Variants in EPS8 observed in about 807,000 individuals in gnomAD.
EPS8 encodes the protein EGFR pathway substrate 8, signaling adaptor.
A neutral mutation model predicts 103.8 loss-of-function variants in EPS8; 42 were observed. The observed-to-expected ratio is 0.40, with a 90% confidence interval of 0.32 to 0.52. The LOEUF (loss-of-function observed/expected upper bound fraction) is 0.52. Among genes scored for constraint, EPS8 ranks in the 20% least tolerant of loss-of-function variants. The probability of loss-of-function intolerance (pLI) is 0.40; values close to 1 mark genes in which losing one functional copy is unlikely to be tolerated. For missense variants in EPS8, 969 were observed against 1,005.1 expected, an observed-to-expected ratio of 0.96 and a Z score of 0.49; for synonymous variants, 344 against 344.6, an observed-to-expected ratio of 1.00 and a Z score of 0.02.
intron 8 of EPS8, among the ~76,000 whole-genome samples, chr12:15,663,731 T>C (rs1945647739): frequency 6.6e-6 from 1 of 150,964 alleles, no homozygotes; most frequent in Non-Finnish European, 1.5e-5. Context: ...AAGACAATCC[T>C]GGCTAACACA....
At position 15,717,536 on chromosome 12, in the gene EPS8, G is replaced by A. The variant is rs542117169; in HGVS notation, c.-21-34564C>T. ...CCGGAGGCAGAGGTTGCAGTCAGCC[G>A]AGATCGTGCCATTGCACTCCAGCCT... is the stretch of plus-strand genomic sequence containing the variant. On this transcript the variant is annotated intron_variant, in intron 1 of 20. Coordinates refer to ENST00000281172, the MANE Select transcript of EPS8 (RefSeq NM_004447.6). The surrounding 1 kb of genome is among the most constrained non-coding windows in gnomAD (Gnocchi z 4.3). Among the ~76,000 whole-genome samples, 11 of 152,122 alleles carry A rather than the reference G, an allele frequency of 7.2e-5. No individual in the cohort carries two copies. The highest frequency in any genetic ancestry group is 2.4e-4 in the African/African-American group (10 of 41,476).
At chr12:15,788,749 CG>C (rs1430234286) in intron 1 of EPS8, among the ~76,000 whole-genome samples, 3 of 152,180 alleles carry the variant, frequency 2.0e-5, no homozygotes, top group African/African-American at 7.2e-5. Flanking sequence ...CCATTTGAGG[CG>C]GGTTGGCAGA....
intron 8 of EPS8, 124 bp from the exon 9 acceptor site, chr12:15,662,223 A>G: frequency 6.6e-7 from 1 of 1,526,570 alleles, no homozygotes; most frequent in Non-Finnish European, 8.8e-7. Flanking sequence ...TCCACTGGAT[A>G]CACAAGTCAA....
At position 15,684,361 on chromosome 12, in the gene EPS8, C is replaced by G. The variant is rs547294150; in HGVS notation, c.-21-1389G>C. The G allele has an allele frequency of 6.6e-6, 1 of 152,264 alleles. No individual in the cohort carries two copies. The highest frequency in any genetic ancestry group is 1.9e-4 in the East Asian group (1 of 5,176). The allele number at this position is 152,264 out of a possible 1,614,324, so 9.4% of individuals were successfully genotyped here. On this transcript the variant is annotated intron_variant, in intron 1 of 20. Transcript: ENST00000281172. The surrounding 1 kb of genome is among the most constrained non-coding windows in gnomAD (Gnocchi z 4.9). The stretch of plus-strand genomic sequence containing the variant: ...CCATACTATAGACAATTTTTCAAAG[C>G]ATTTATCACATTCATAACTTTTCCT...
chr12:15,645,688 G>A (rs1945308111), intron 15 of EPS8, among the ~76,000 whole-genome samples: 1 of 152,066 alleles, frequency 6.6e-6, no homozygotes, highest in African/African-American at 2.4e-5. Context: ...ATCCCTTATA[G>A]ATATGCAGGT....
At chr12:15,636,193 A>G (rs1945131083) in intron 17 of EPS8, among the ~76,000 whole-genome samples, 1 of 152,142 alleles carries the variant, frequency 6.6e-6, no homozygotes, top group Non-Finnish European at 1.5e-5. Context: ...GTGGGGAGAA[A>G]GAACCCTGGA....
chr12:15,718,349 A>C (rs904629077), intron 1 of EPS8, among the ~76,000 whole-genome samples: 31 of 152,232 alleles, frequency 2.0e-4, no homozygotes, highest in Non-Finnish European at 1.5e-5. Flanking sequence ...GAAATAACCA[A>C]ATAGTCACAA....
At chr12:15,628,227 A>C (rs1335270875) in intron 18 of EPS8, among the ~76,000 whole-genome samples, 1 of 152,182 alleles carries the variant, frequency 6.6e-6, no homozygotes, top group Non-Finnish European at 1.5e-5. Context: ...GTCAAACAGC[A>C]TATGAGTGCA....
At chr12:15,666,276 A>C (rs1051542772) in intron 7 of EPS8, among the ~76,000 whole-genome samples, 164 bp downstream of exon 7, 1 of 152,240 alleles carries the variant, frequency 6.6e-6, no homozygotes, top group African/African-American at 2.4e-5. Flanking sequence ...GAAGAGGAGT[A>C]AACACACTGA....
Position 15,670,885 on chromosome 12 carries a change from C to A in EPS8, c.175G>T (p.Val59Leu), listed in dbSNP as rs749427533. The A allele has an allele frequency of 6.2e-7, 1 of 1,612,422 alleles. No individual in the cohort carries two copies. Among genetic ancestry groups the A allele is most frequent in the Non-Finnish European group, 8.5e-7 (1 of 1,178,800 alleles). The change falls in exon 4 of 21, where the codon GTG becomes TTG. Residue 59 changes from valine (V) to leucine (L), a missense_variant. Val to Leu is a conservative substitution (Grantham distance 32). Coordinates refer to ENST00000281172, the MANE Select transcript of EPS8 (RefSeq NM_004447.6). ...KNYARDSVSSVSDISQYRVEH... is the reference protein window; with the variant it reads ...KNYARDSVSSLSDISQYRVEH... ...ACACGGTATTGAGATATATCTGACA[C>A]ACTGCTGACACTGTCCCGTGCATAA...
chr12:15,632,070 A>G (rs1945056574), intron 17 of EPS8, among the ~76,000 whole-genome samples: 1 of 152,174 alleles, frequency 6.6e-6, no homozygotes, highest in Admixed American at 6.5e-5. Flanking sequence ...TCACTTACTC[A>G]TTTTAAATGT....
Position 15,684,656 on chromosome 12 carries a change from T to C in EPS8, c.-21-1684A>G, listed in dbSNP as rs189522781. ...ATATGTAGCTCTATTTTAAATCTGC[T>C]AGAAGTTCGGAGAGGGAAAAGGCCA... On this transcript the variant is annotated intron_variant, in intron 1 of 20. Transcript: ENST00000281172. The surrounding 1 kb of genome is among the most constrained non-coding windows in gnomAD (Gnocchi z 4.9). Among the ~76,000 whole-genome samples, 1 of 152,160 alleles carries C rather than the reference T, an allele frequency of 6.6e-6. No homozygotes were observed. The highest frequency in any genetic ancestry group is 1.5e-5 in the Non-Finnish European group (1 of 68,022).
Position 15,784,506 on chromosome 12 carries a change from G to A in EPS8, c.-22+4655C>T, listed in dbSNP as rs1326892675. Among the ~76,000 whole-genome samples, 1 of 152,142 alleles carries A rather than the reference G, an allele frequency of 6.6e-6. No homozygotes were observed. The highest frequency in any genetic ancestry group is 2.4e-5 in the African/African-American group (1 of 41,454). ...GACAAAATCAAATGCTAGCAAAGAT[G>A]TGGGGCAATAAGAACTCACATTCAT... On this transcript the variant is annotated intron_variant, in intron 1 of 20. Transcript: ENST00000281172. This position sits in a 1 kb window ranked among gnomAD's most constrained non-coding sequence, Gnocchi z 4.0.
Position 15,723,981 on chromosome 12 carries a change from T to C in EPS8, c.-21-41009A>G, listed in dbSNP as rs1348069680. On this transcript the variant is annotated intron_variant, in intron 1 of 20. Coordinates refer to ENST00000281172, the MANE Select transcript of EPS8 (RefSeq NM_004447.6). Reference sequence around the variant, plus strand: ...ATTACATCATTTATATAGAGACATCTGTCATTATTCTTTATCTTTTATTGA... The same window carrying C: ...ATTACATCATTTATATAGAGACATCCGTCATTATTCTTTATCTTTTATTGA... Among the ~76,000 whole-genome samples the C allele has an allele frequency of 6.6e-5, 10 of 152,212 alleles. 1 individual carries two copies. Among genetic ancestry groups the C allele is most frequent in the Non-Finnish European group, 1.5e-5 (1 of 68,016 alleles).
At chr12:15,754,331 C>T (rs1946963439) in intron 1 of EPS8, among the ~76,000 whole-genome samples, 1 of 151,928 alleles carries the variant, frequency 6.6e-6, no homozygotes, top group Admixed American at 6.6e-5. Flanking sequence ...AAAGATGGAG[C>T]TGGCAGAGGT....
intron 1 of EPS8, among the ~76,000 whole-genome samples, chr12:15,708,367 CA>C (rs1220370005): frequency 6.6e-6 from 1 of 152,116 alleles, no homozygotes; most frequent in African/African-American, 2.4e-5. Context: ...AGTTAAGGCT[CA>C]AAAATGTTAA....
intron 8 of EPS8, among the ~76,000 whole-genome samples, chr12:15,662,894 G>A (rs1278358854): frequency 1.3e-5 from 2 of 151,172 alleles, no homozygotes; most frequent in African/African-American, 4.9e-5. Flanking sequence ...ATACATCATC[G>A]TGACTCATGA....
At chr12:15,788,196 C>G (rs1270154120) in intron 1 of EPS8, among the ~76,000 whole-genome samples, 1 of 152,212 alleles carries the variant, frequency 6.6e-6, no homozygotes, top group Non-Finnish European at 1.5e-5. Flanking sequence ...CTGAACTCAT[C>G]CTAACATATT....
Position 15,696,702 on chromosome 12 carries a change from C to A in EPS8, c.-21-13730G>T, listed in dbSNP as rs894848389. Among the ~76,000 whole-genome samples the A allele has an allele frequency of 6.6e-6, 1 of 152,068 alleles. No individual in the cohort carries two copies. The highest frequency in any genetic ancestry group is 1.5e-5 in the Non-Finnish European group (1 of 68,012). Reference sequence around the variant, plus strand: ...AGGTCAGAGAAAAACACCTGAACTACTATTCCACTTGGGAAGAAATGGGAC... The same window carrying A: ...AGGTCAGAGAAAAACACCTGAACTAATATTCCACTTGGGAAGAAATGGGAC... On this transcript the variant is annotated intron_variant, in intron 1 of 20. Transcript: ENST00000281172. This position sits in a 1 kb window ranked among gnomAD's most constrained non-coding sequence, Gnocchi z 4.8.
Sources: allele counts gnomAD v4.1 joint callset (sites outside exome capture counted in the v4.1 genomes callset), GRCh38; gene constraint gnomAD v4.1.1; non-coding constraint Gnocchi (gnomAD v3.1); transcripts MANE v1.5; gene names NCBI Gene and HGNC (gene_info 2026-07-23, HGNC 2026-07-21).